TLN2: variants seen among roughly 807,000 people sequenced by gnomAD.
TLN2 encodes the protein talin-2.
A neutral mutation model predicts 294.7 loss-of-function variants in TLN2; 118 were observed. That is an observed-to-expected ratio of 0.40 (90% CI 0.34 to 0.47). The LOEUF is 0.47. TLN2 is among the 20% of genes least tolerant of loss of function. The pLI, the probability that TLN2 is intolerant of heterozygous loss-of-function variation, is 0.84. For missense variants in TLN2, 3,083 were observed against 3,282.2 expected, an observed-to-expected ratio of 0.94 and a Z score of 1.48; for synonymous variants, 1,431 against 1,304.5, an observed-to-expected ratio of 1.10 and a Z score of -2.09.
chr15:62,457,139 G>T (rs186008723), intron 1 of TLN2, among the ~76,000 whole-genome samples: 1 of 152,148 alleles, frequency 6.6e-6, no homozygotes, highest in Admixed American at 6.5e-5. Context: ...ATTTTTTCAC[G>T]GTTCTGGAGG....
chr15:62,599,648 A>G (rs895627514), intron 2 of TLN2, among the ~76,000 whole-genome samples: 1 of 152,140 alleles, frequency 6.6e-6, no homozygotes, highest in African/African-American at 2.4e-5. Context: ...TTTCCCAGAT[A>G]TGTTCTATAT....
rs936956401 is a variant in TLN2, at chr15:62,566,666, C to T, written c.-237-23021C>T. Among the ~76,000 whole-genome samples, 29 of 150,610 alleles carry T rather than the reference C, an allele frequency of 1.9e-4. 1 individual carries two copies. Among genetic ancestry groups the T allele is most frequent in the Admixed American group, 1.7e-3 (25 of 15,076 alleles). Reference sequence around the variant, plus strand: ...TGAGATAGGGCCTTGCTGTGTTACCCAGGCTGGAGCGCAGTGGCACAAGCA... The same window carrying T: ...TGAGATAGGGCCTTGCTGTGTTACCTAGGCTGGAGCGCAGTGGCACAAGCA... On this transcript the variant is annotated intron_variant, in intron 1 of 58. Coordinates refer to ENST00000636159, the MANE Select transcript of TLN2 (RefSeq NM_015059.3).
chr15:62,570,251 C>T lies in TLN2; in HGVS notation c.-237-19436C>T, dbSNP rs146209108. Among the ~76,000 whole-genome samples, 139 of 152,296 alleles carry T rather than the reference C, an allele frequency of 9.1e-4. 2 individuals are homozygous for T. The East Asian group carries it at 0.024, about 27-fold the overall frequency. Reference sequence around the variant, plus strand: ...CCTCACCCACGGGGAGGGTGCCAGGCGGATCCCTGGCTTGGTTCCAAGTGT... The same window carrying T: ...CCTCACCCACGGGGAGGGTGCCAGGTGGATCCCTGGCTTGGTTCCAAGTGT... On this transcript the variant is annotated intron_variant, in intron 1 of 58. Transcript: ENST00000636159.
chr15:62,842,658 G>A lies in TLN2; in HGVS notation c.*2048G>A, dbSNP rs1254269869. On this transcript the variant is annotated 3_prime_UTR_variant, in exon 59 of 59. Transcript: ENST00000636159. ...GGCAGGCAGCCAGTTCTTCCACCTT[G>A]CCTCAGAGTCATTTAAAACCTTTAC... is the stretch of plus-strand genomic sequence containing the variant. The A allele has an allele frequency of 6.6e-6, 1 of 151,838 alleles. No homozygotes were observed. The highest frequency in any genetic ancestry group is 2.4e-5 in the African/African-American group (1 of 41,292). The allele number at this position is 151,838 out of a possible 1,614,324, so 9.4% of individuals were successfully genotyped here.
intron 18 of TLN2, 129 bp from the exon 19 acceptor site, chr15:62,702,637 C>A: frequency 1.2e-6 from 1 of 842,840 alleles, no homozygotes; most frequent in Non-Finnish European, 1.9e-6. Flanking sequence ...ATCTGGCAGA[C>A]CACCTGAGAT....
intron 52 of TLN2, among the ~76,000 whole-genome samples, chr15:62,814,686 A>G (rs1691353368): frequency 6.6e-6 from 1 of 152,234 alleles, no homozygotes; most frequent in Admixed American, 6.5e-5. Flanking sequence ...TTTCTAGGGA[A>G]TTATCATAAA....
At chr15:62,768,815 T>C (rs2063177513) in intron 41 of TLN2, among the ~76,000 whole-genome samples, 1 of 152,226 alleles carries the variant, frequency 6.6e-6, no homozygotes, top group Non-Finnish European at 1.5e-5. Context: ...TACTGAGTAC[T>C]TCCTATTTGG....
intron 3 of TLN2, among the ~76,000 whole-genome samples, chr15:62,633,551 C>G (rs2050111043): frequency 6.6e-6 from 1 of 152,208 alleles, no homozygotes; most frequent in Non-Finnish European, 1.5e-5. Flanking sequence ...GCAATCCTCC[C>G]ACCCCAGCCT....
Position 62,755,571 on chromosome 15 carries a change from G to A in TLN2, c.4516G>A (p.Ala1506Thr). 6.2e-7 allele frequency: 1 copy of A among 1,614,240 alleles called. No individual in the cohort carries two copies. The highest frequency in any genetic ancestry group is 8.5e-7 in the Non-Finnish European group (1 of 1,180,030). The change falls in exon 37 of 59, where the codon GCC becomes ACC. Residue 1506 changes from alanine (A) to threonine (T), a missense_variant. Ala to Thr is a moderately conservative substitution (Grantham distance 58, BLOSUM62 0). Transcript: ENST00000636159. ...AATIVAKHTS[A>T]LCNACRIASS... Reference sequence around the variant, plus strand: ...CACAATTGTTGCCAAGCACACGTCAGCCTTGTGCAATGCCTGCCGCATCGC... The same window carrying A: ...CACAATTGTTGCCAAGCACACGTCAACCTTGTGCAATGCCTGCCGCATCGC...
At chr15:62,724,780 T>C (rs1449791524) in intron 26 of TLN2, among the ~76,000 whole-genome samples, 196 bp from the exon 27 acceptor site, 3 of 152,246 alleles carry the variant, frequency 2.0e-5, no homozygotes, top group East Asian at 3.9e-4. Context: ...TAATTGATGG[T>C]TTAAGGAAGT....
In TLN2 at chr15:62,840,617, G is replaced by C; in HGVS notation, c.*7G>C. The C allele has an allele frequency of 6.2e-7, 1 of 1,612,752 alleles. No individual in the cohort carries two copies. The highest frequency in any genetic ancestry group is 8.5e-7 in the Non-Finnish European group (1 of 1,179,376). ...GAGGGAAGATGAGGGCTAAAGGTGC[G>C]AGCCCAGATGGCGAGCCCCAGGGGA... is the stretch of plus-strand genomic sequence containing the variant. On this transcript the variant is annotated 3_prime_UTR_variant, in exon 59 of 59. Transcript: ENST00000636159.
In TLN2 at chr15:62,701,364, ATTTT is replaced by A. The variant is rs111987916; in HGVS notation, c.1696+151_1696+154del. 12 of 670,656 alleles carry A rather than the reference ATTTT, an allele frequency of 1.8e-5. 1 individual carries two copies. Among genetic ancestry groups the A allele is most frequent in the African/African-American group, 1.5e-4 (8 of 54,766 alleles). 41.5% of individuals were successfully genotyped at this position (670,656 alleles called of 1,614,324 possible). ...CTAAGGCACTTTTAGTGCTGTAGGC[ATTTT>A]CTCCCAGTGACCCAGGAGAGTGGGA... On this transcript the variant is annotated intron_variant, in intron 17 of 58. Transcript: ENST00000636159.
At chr15:62,499,186 C>T (rs889232250) in intron 1 of TLN2, among the ~76,000 whole-genome samples, 1 of 152,130 alleles carries the variant, frequency 6.6e-6, no homozygotes, top group East Asian at 1.9e-4. Context: ...GAGGGGCTCA[C>T]GCCTATAATC....
intron 1 of TLN2, among the ~76,000 whole-genome samples, chr15:62,512,969 C>T (rs1226285086): frequency 6.6e-6 from 1 of 152,158 alleles, no homozygotes; most frequent in Non-Finnish European, 1.5e-5. Flanking sequence ...TTGCTTCAAG[C>T]CTGCTTTCCT....
At chr15:62,548,146 A>C (rs865841936) in intron 1 of TLN2, among the ~76,000 whole-genome samples, 12 of 152,186 alleles carry the variant, frequency 7.9e-5, no homozygotes, top group Non-Finnish European at 1.3e-4. Context: ...ATGGTCCTGG[A>C]TGTCTGCCCT....
At chr15:62,470,232 C>T (rs1047945240) in intron 1 of TLN2, among the ~76,000 whole-genome samples, 2 of 152,118 alleles carry the variant, frequency 1.3e-5, no homozygotes, top group African/African-American at 2.4e-5. Flanking sequence ...GGGACCCATT[C>T]GGGAGGATGG....
At chr15:62,607,853 A>G (rs1416018036) in intron 2 of TLN2, among the ~76,000 whole-genome samples, 1 of 152,214 alleles carries the variant, frequency 6.6e-6, no homozygotes, top group Admixed American at 6.5e-5. Flanking sequence ...GAACTGAGTC[A>G]TGCTGTGGCA....
chr15:62,479,608 C>T (rs1328696237), intron 1 of TLN2, among the ~76,000 whole-genome samples: 2 of 152,240 alleles, frequency 1.3e-5, no homozygotes, highest in Non-Finnish European at 2.9e-5. Flanking sequence ...TCCTAAGTAG[C>T]TGGGGTTACT....
At chr15:62,826,331 G>A (rs1310649611) in intron 54 of TLN2, among the ~76,000 whole-genome samples, 1 of 152,154 alleles carries the variant, frequency 6.6e-6, no homozygotes, top group East Asian at 1.9e-4. Flanking sequence ...ATGCAGGTGC[G>A]GACCTTTTCC....
Sources: allele counts gnomAD v4.1 joint callset (sites outside exome capture counted in the v4.1 genomes callset), GRCh38; gene constraint gnomAD v4.1.1; transcripts MANE v1.5; gene names NCBI Gene and HGNC (gene_info 2026-07-23, HGNC 2026-07-21).